Variants in NKAIN1 observed in about 807,000 individuals in gnomAD.
NKAIN1 encodes the protein sodium/potassium-transporting ATPase subunit beta-1-interacting protein 1.
In NKAIN1, 13 loss-of-function variants were observed where a neutral mutation model predicts 31.6. That is an observed-to-expected ratio of 0.41 (90% CI 0.27 to 0.65). The LOEUF (loss-of-function observed/expected upper bound fraction) is 0.65. NKAIN1 is among the 30% of genes least tolerant of loss of function. NKAIN1 has a pLI of 0.30. For missense variants in NKAIN1, 193 were observed against 262.2 expected, an observed-to-expected ratio of 0.74 and a Z score of 1.82; for synonymous variants, 104 against 109.0, an observed-to-expected ratio of 0.95 and a Z score of 0.28.
At chr1:31,188,235 G>A (rs1354449942) in intron 1 of NKAIN1, 48 bp from the exon 2 acceptor site, 1 of 1,541,862 alleles carries the variant, frequency 6.5e-7, no homozygotes, top group African/African-American at 1.4e-5. Context: ...TGAAAGGGAA[G>A]GACAGGGATT....
intron 1 of NKAIN1, among the ~76,000 whole-genome samples, chr1:31,220,003 A>ACTTTTTTTTTTTTTTTTTT (rs138578415): frequency 7.8e-6 from 1 of 127,784 alleles, no homozygotes. Flanking sequence ...GAACACTCAG[A>ACTTTTTTTTTTTTTTTTTT]TTTTTTTTTT....
In NKAIN1 at chr1:31,191,938, G is replaced by C. The variant is rs548404790; in HGVS notation, c.55-3751C>G. On this transcript the variant is annotated intron_variant, in intron 1 of 6. Transcript: ENST00000373736. ...CTACAGGCATGTGCCATCACATCTG[G>C]GTAATTTTAAAATATTTTGTAGAGA... Among the ~76,000 whole-genome samples, 55 of 152,236 alleles carry C rather than the reference G, an allele frequency of 3.6e-4. No individual in the cohort carries two copies. The Middle Eastern group carries it at 0.01, about 28-fold the overall frequency.
intron 1 of NKAIN1, among the ~76,000 whole-genome samples, chr1:31,195,176 G>C (rs2148352661): frequency 7.0e-6 from 1 of 143,782 alleles, no homozygotes; most frequent in African/African-American, 2.6e-5. Flanking sequence ...GGAGTGCAGT[G>C]GTGCGATCTA....
chr1:31,189,885 G>T (rs1300324474), intron 1 of NKAIN1, among the ~76,000 whole-genome samples: 2 of 152,174 alleles, frequency 1.3e-5, no homozygotes, highest in Non-Finnish European at 2.9e-5. Flanking sequence ...GGCTGCCTTG[G>T]CCACCTCAGG....
At position 31,206,420 on chromosome 1, in the gene NKAIN1, T is replaced by A. The variant is rs188778825; in HGVS notation, c.55-18233A>T. Among the ~76,000 whole-genome samples the A allele has an allele frequency of 4.5e-4, 68 of 151,962 alleles. 1 individual carries two copies. In the East Asian group the frequency reaches 9.9e-3, roughly 22 times the overall value. On this transcript the variant is annotated intron_variant, in intron 1 of 6. Transcript: ENST00000373736. ...TGGTTTTTATTTTTATTTTATTTTTTAAATTTTTATTTATTTTATGTATTT... is the reference window on the plus strand; with the variant it reads ...TGGTTTTTATTTTTATTTTATTTTTAAAATTTTTATTTATTTTATGTATTT...
chr1:31,232,424 T>TATATAG (rs1313157898), intron 1 of NKAIN1, among the ~76,000 whole-genome samples: 6 of 16,920 alleles, frequency 3.5e-4, no homozygotes, highest in Admixed American at 1.1e-3. Context: ...TATATATATA[T>TATATAG]AGAGAGAGAG....
At chr1:31,189,355 C>T (rs908841138) in intron 1 of NKAIN1, among the ~76,000 whole-genome samples, 2 of 152,184 alleles carry the variant, frequency 1.3e-5, no homozygotes, top group Non-Finnish European at 2.9e-5. Context: ...CCCGCTCTGT[C>T]GCCCAGGCTG....
rs542356734 is a variant in NKAIN1, at chr1:31,216,164, G to A, written c.54+23330C>T. Among the ~76,000 whole-genome samples the A allele has an allele frequency of 9.0e-4, 136 of 151,876 alleles. 1 individual carries two copies. The Middle Eastern group carries it at 0.014, about 15-fold the overall frequency. On this transcript the variant is annotated intron_variant, in intron 1 of 6. Transcript: ENST00000373736. Reference sequence around the variant, plus strand: ...GAGGGCAGAGGAGCACGGGGGAACGGAATGGAACAATCATTTCCTGGCCCT... The same window carrying A: ...GAGGGCAGAGGAGCACGGGGGAACGAAATGGAACAATCATTTCCTGGCCCT...
At chr1:31,183,433 CCTCTT>C (rs1557648273) in intron 4 of NKAIN1, among the ~76,000 whole-genome samples, 11 of 115,366 alleles carry the variant, frequency 9.5e-5, no homozygotes, top group African/African-American at 3.6e-4. Context: ...AGGTTCATTC[CCTCTT>C]TTTTTTTTTT....
At chr1:31,182,414 A>G (rs1412420890) in intron 5 of NKAIN1, 116 bp downstream of exon 5, 1 of 1,149,382 alleles carries the variant, frequency 8.7e-7, no homozygotes, top group Admixed American at 1.9e-5. Context: ...TTCCCCTCGA[A>G]AGGGGCCCGT....
Position 31,184,034 on chromosome 1 carries a change from G to T in NKAIN1, c.274-20C>A. On this transcript the variant is annotated intron_variant, in intron 3 of 6. Transcript: ENST00000373736. ...CCGGTCCTGGGGGCAAAGGGGCCTG[G>T]GATACTGAGTGTGAGGGAGAGGGAG... is the stretch of plus-strand genomic sequence containing the variant. The T allele has an allele frequency of 2.5e-6, 4 of 1,609,838 alleles. No homozygotes were observed. The highest frequency in any genetic ancestry group is 3.4e-6 in the Non-Finnish European group (4 of 1,177,486).
At chr1:31,197,142 C>A (rs1240637164) in intron 1 of NKAIN1, among the ~76,000 whole-genome samples, 1 of 141,980 alleles carries the variant, frequency 7.0e-6, no homozygotes, top group African/African-American at 2.6e-5. Context: ...GACAGAATCT[C>A]ACTCTGCCGC....
intron 3 of NKAIN1, among the ~76,000 whole-genome samples, chr1:31,184,329 C>T (rs971506897): frequency 6.6e-6 from 1 of 152,092 alleles, no homozygotes; most frequent in South Asian, 2.1e-4. Flanking sequence ...TCCACTGCTC[C>T]CCCTGTGTGC....
chr1:31,195,017 C>T (rs1267248799), intron 1 of NKAIN1, among the ~76,000 whole-genome samples: 3 of 149,064 alleles, frequency 2.0e-5, no homozygotes, highest in Admixed American at 6.7e-5. Flanking sequence ...ATAAGCCACC[C>T]GCCGCAGCCT....
intron 1 of NKAIN1, among the ~76,000 whole-genome samples, chr1:31,234,311 G>C (rs1645679237): frequency 6.6e-6 from 1 of 152,152 alleles, no homozygotes; most frequent in African/African-American, 2.4e-5. Context: ...TGCAGCTGCA[G>C]CTGCTCCAGA....
intron 1 of NKAIN1, among the ~76,000 whole-genome samples, chr1:31,222,383 G>C (rs1645571189): frequency 6.6e-6 from 1 of 152,212 alleles, no homozygotes; most frequent in African/African-American, 2.4e-5. Flanking sequence ...TGGGCAAAGG[G>C]CCTGTTGCCA....
chr1:31,205,368 T>C (rs544696241), intron 1 of NKAIN1, among the ~76,000 whole-genome samples: 66 of 152,020 alleles, frequency 4.3e-4, no homozygotes, highest in Non-Finnish European at 7.2e-4. Context: ...GAGTGCAGTG[T>C]CACAATCTCG....
rs562817295 is a variant in NKAIN1, at chr1:31,212,807, T to C, written c.55-24620A>G. 2.0e-5 allele frequency among the ~76,000 whole-genome samples: 3 copies of C among 152,128 alleles called. No individual in the cohort carries two copies. The South Asian group carries it at 6.2e-4, about 32-fold the overall frequency. On this transcript the variant is annotated intron_variant, in intron 1 of 6. Transcript: ENST00000373736. ...CAAGGTCAGGAGATCAAGACCATCC[T>C]GGCTACGGTGAAACCCTGTCTCTAC... is the stretch of plus-strand genomic sequence containing the variant.
chr1:31,235,589 T>G (rs143835259), intron 1 of NKAIN1, among the ~76,000 whole-genome samples: 1 of 151,956 alleles, frequency 6.6e-6, no homozygotes, highest in South Asian at 2.1e-4. Context: ...TGGGTTATGA[T>G]TGCCACTGCA....
Sources: gnomAD v4.1 joint callset for allele counts (sites outside exome capture counted in the v4.1 genomes callset) on GRCh38, gnomAD v4.1.1 for gene constraint, MANE v1.5 for transcripts, NCBI Gene and HGNC (gene_info 2026-07-23, HGNC 2026-07-21) for gene names.